Variants in PCDHGC5 observed in about 807,000 individuals in gnomAD.
The protein encoded by PCDHGC5 is protocadherin gamma subfamily C, 5, also known as protocadherin gamma-C5.
Under a neutral mutation model 59.0 loss-of-function variants are expected in PCDHGC5, and 25 were observed. That is an observed-to-expected ratio of 0.42 (90% CI 0.31 to 0.59). PCDHGC5 has a LOEUF of 0.59. Ranked by LOEUF, PCDHGC5 falls within the 20% of genes least tolerant of loss-of-function variation. The probability of loss-of-function intolerance (pLI) is 0.13; values close to 1 mark genes in which losing one functional copy is unlikely to be tolerated. For missense variants in PCDHGC5, 1,067 were observed against 1,206.4 expected (o/e 0.88, Z 1.71); for synonymous variants, 434 against 505.5 (o/e 0.86, Z 1.90).
At chr5:141,507,016 G>C (rs913170594) in intron 3 of PCDHGC5, 1 of 152,166 alleles carries the variant, frequency 6.6e-6, no homozygotes, top group African/African-American at 2.4e-5. Context: ...AACCGAGAAG[G>C]CACTTGCCCC....
chr5:141,497,323 G>A lies in PCDHGC5; in HGVS notation c.2519+2458G>A, dbSNP rs373068300. Reference sequence around the variant, plus strand: ...CAGGCCATACACTGGCTTTGAAGCAGAATTCACCATTGAACCTGGAAGCCC... The same window carrying A: ...CAGGCCATACACTGGCTTTGAAGCAAAATTCACCATTGAACCTGGAAGCCC... On this transcript the variant is annotated intron_variant, in intron 2 of 3. Transcript: ENST00000252087. 1.2e-4 allele frequency among the ~76,000 whole-genome samples: 19 copies of A among 152,204 alleles called. No homozygotes were observed. In the East Asian group the frequency reaches 3.5e-3, roughly 28 times the overall value.
At chr5:141,508,096 G>A (rs1489615862) in intron 3 of PCDHGC5, 1 of 152,476 alleles carries the variant, frequency 6.6e-6, no homozygotes, top group African/African-American at 2.4e-5. Context: ...CCTTGGCCCT[G>A]GGATGGGGTA....
chr5:141,490,476 G>A lies in PCDHGC5; in HGVS notation c.1236G>A (p.Leu412=). 1 of 1,614,208 alleles carries A rather than the reference G, an allele frequency of 6.2e-7. No homozygotes were observed. The highest frequency in any genetic ancestry group is 8.5e-7 in the Non-Finnish European group (1 of 1,180,046). Residue 412 remains leucine (L), a synonymous_variant, in exon 1 of 4, where the codon TTG becomes TTA. Transcript: ENST00000252087. The surrounding 1 kb of genome is among the most constrained non-coding windows in gnomAD (Gnocchi z 5.4). ...ACTCGCTGCTAACCAGCCAGCCTTT[G>A]GACCGGGAGGCCACATCCCACTATA... ...NHYSLLTSQP[L]DREATSHYII...
intron 1 of PCDHGC5, 88 bp from the exon 2 acceptor site, chr5:141,494,719 C>T: frequency 6.2e-7 from 1 of 1,605,960 alleles, no homozygotes; most frequent in Non-Finnish European, 8.5e-7. Flanking sequence ...CCACTCCCCT[C>T]CTTCTCTCCC....
chr5:141,490,938 C>A lies in PCDHGC5; in HGVS notation c.1698C>A (p.His566Gln). 1.2e-6 allele frequency: 2 copies of A among 1,613,672 alleles called. No individual in the cohort carries two copies. Among genetic ancestry groups the A allele is most frequent in the Non-Finnish European group, 1.7e-6 (2 of 1,179,760 alleles). The change falls in exon 1 of 4, where the codon CAC becomes CAA. Residue 566 changes from histidine to glutamine, a missense_variant. Coordinates refer to ENST00000252087, the MANE Select transcript of PCDHGC5 (RefSeq NM_018929.3). The surrounding 1 kb of genome is among the most constrained non-coding windows in gnomAD (Gnocchi z 5.4). ...ATGATAATGCCCCAGCTGTGCTGCA[C>A]CCACGGCCAGACTGGGAACACTCAG... is the stretch of plus-strand genomic sequence containing the variant. ...DENDNAPAVLHPRPDWEHSAP... is the reference protein window; with the variant it reads ...DENDNAPAVLQPRPDWEHSAP...
chr5:141,511,115 A>G lies in PCDHGC5; in HGVS notation c.2777A>G (p.Lys926Arg). 6.2e-7 allele frequency: 1 copy of G among 1,614,214 alleles called. No individual in the cohort carries two copies. Among genetic ancestry groups the G allele is most frequent in the Non-Finnish European group, 8.5e-7 (1 of 1,180,006 alleles). ...AACGCAGCTGGCAAGCGGGATGGCA[A>G]GGCCCCAGCAGGTGGCAATGGCAAC... Reference protein sequence around the residue: ...LTNAAGKRDGKAPAGGNGNKK... With the variant: ...LTNAAGKRDGRAPAGGNGNKK... Residue 926 changes from lysine (K) to arginine (R), a missense_variant, in exon 4 of 4, where the codon AAG becomes AGG. Coordinates refer to ENST00000252087, the MANE Select transcript of PCDHGC5 (RefSeq NM_018929.3).
At chr5:141,505,993 T>TGCGA (rs2099849805) in intron 3 of PCDHGC5, among the ~76,000 whole-genome samples, 1 of 152,188 alleles carries the variant, frequency 6.6e-6, no homozygotes, top group African/African-American at 2.4e-5. Context: ...CTCCTCTTTA[T>TGCGA]GCGAGGCTCC....
intron 3 of PCDHGC5, 89 bp from the exon 4 acceptor site, chr5:141,510,858 T>C (rs992991460): frequency 5.8e-5 from 93 of 1,606,182 alleles, no homozygotes; most frequent in South Asian, 1.0e-4. Flanking sequence ...GGGTGCTGTA[T>C]AGGCATTCAT....
In PCDHGC5 at chr5:141,494,832, G is replaced by A. The variant is rs758427900; in HGVS notation, c.2486G>A (p.Arg829His). The A allele has an allele frequency of 1.2e-6, 2 of 1,614,066 alleles. No homozygotes were observed. Among genetic ancestry groups the A allele is most frequent in the Non-Finnish European group, 1.7e-6 (2 of 1,179,994 alleles). The change falls in exon 2 of 4, where the codon CGT (arginine) becomes CAT (histidine). Residue 829 changes from arginine (R) to histidine (H), a missense_variant. Transcript: ENST00000252087. ...CAAGCCCCGCCCAACACGGACTGGC[G>A]TTTCTCTCAGGCCCAGAGACCCGGC... ...SQQAPPNTDW[R>H]FSQAQRPGTS...
intron 2 of PCDHGC5, among the ~76,000 whole-genome samples, chr5:141,503,518 G>A (rs576791899): frequency 6.7e-6 from 1 of 149,524 alleles, no homozygotes; most frequent in East Asian, 2.0e-4. Flanking sequence ...AGAATCACTT[G>A]AACCTGGGAG....
At position 141,511,410 on chromosome 5, in the gene PCDHGC5, T is replaced by A; in HGVS notation, c.*237T>A. The stretch of plus-strand genomic sequence containing the variant: ...GGAACCCCCATCCAATCAACTGCTG[T>A]ACCCATGGGGGTAGTGGGGTTACTG... On this transcript the variant is annotated 3_prime_UTR_variant, in exon 4 of 4. Coordinates refer to ENST00000252087, the MANE Select transcript of PCDHGC5 (RefSeq NM_018929.3). 1 of 908,820 alleles carries A rather than the reference T, an allele frequency of 1.1e-6. No individual in the cohort carries two copies. The highest frequency in any genetic ancestry group is 1.6e-6 in the Non-Finnish European group (1 of 624,202). 56.3% of individuals were successfully genotyped at this position (908,820 alleles called of 1,614,324 possible). A position where few individuals can be genotyped will look rare whatever the true frequency, so the allele number is the denominator to read the frequency against.
rs772444495 is a variant in PCDHGC5 at position 141,491,766 on chromosome 5, T to C, written c.2460+66T>C. 14 of 1,567,738 alleles carry C rather than the reference T, an allele frequency of 8.9e-6. No homozygotes were observed. The African/African-American group carries it at 1.6e-4, about 18-fold the overall frequency. ...GCACTGGAGAAGCCGCCCGTCCTCA[T>C]AAGGGATTGAACTTGCATCCACTCC... On this transcript the variant is annotated intron_variant, in intron 1 of 3. Coordinates refer to ENST00000252087, the MANE Select transcript of PCDHGC5 (RefSeq NM_018929.3). The surrounding 1 kb of genome is among the most constrained non-coding windows in gnomAD (Gnocchi z 6.9).
At chr5:141,505,239 G>A (rs2099844708) in intron 2 of PCDHGC5, 154 bp from the exon 3 acceptor site, 1 of 886,092 alleles carries the variant, frequency 1.1e-6, no homozygotes, top group Middle Eastern at 5.9e-4. Context: ...GCTTCTGAAG[G>A]ATTGTAGAAG....
intron 3 of PCDHGC5, among the ~76,000 whole-genome samples, chr5:141,509,089 G>C (rs1366018197): frequency 6.6e-6 from 1 of 152,158 alleles, no homozygotes; most frequent in Non-Finnish European, 1.5e-5. Context: ...ACATGAAATG[G>C]GGGCTGTAGA....
rs1203060261 is a variant in PCDHGC5, at chr5:141,493,037, AG to A, written c.2460+1339del. 3.3e-5 allele frequency among the ~76,000 whole-genome samples: 5 copies of A among 152,252 alleles called. No individual in the cohort carries two copies. The highest frequency in any genetic ancestry group is 2.6e-4 in the Admixed American group (4 of 15,290). ...AGATGCCAGGGTGCCCTTATGTGTG[AG>A]GAAACTACAATAGTAAAAAACACAA... is the stretch of plus-strand genomic sequence containing the variant. On this transcript the variant is annotated intron_variant, in intron 1 of 3. Transcript: ENST00000252087. This position sits in a 1 kb window ranked among gnomAD's most constrained non-coding sequence, Gnocchi z 4.3.
intron 2 of PCDHGC5, among the ~76,000 whole-genome samples, chr5:141,498,792 G>A (rs1217057199): frequency 2.6e-5 from 4 of 152,086 alleles, no homozygotes; most frequent in Admixed American, 2.6e-4. Context: ...TATTAGCCAG[G>A]TGTGGTGGTG....
rs1029080327 is a variant in PCDHGC5 at position 141,512,737 on chromosome 5, G to C, written c.*1564G>C. 6.5e-5 allele frequency: 10 copies of C among 152,868 alleles called. No individual in the cohort carries two copies. The highest frequency in any genetic ancestry group is 2.4e-4 in the African/African-American group (10 of 41,472). 9.5% of individuals were successfully genotyped at this position (152,868 alleles called of 1,614,324 possible). On this transcript the variant is annotated 3_prime_UTR_variant, in exon 4 of 4. Transcript: ENST00000252087. Reference sequence around the variant, plus strand: ...ATGGCGGGTGGGCAGCGGGCGGCGGGCTCCGCGCAGCCGTCTGTCCTTGAT... The same window carrying C: ...ATGGCGGGTGGGCAGCGGGCGGCGGCCTCCGCGCAGCCGTCTGTCCTTGAT...
rs1263406836 is a variant in PCDHGC5 at position 141,491,918 on chromosome 5, G to A, written c.2460+218G>A. On this transcript the variant is annotated intron_variant, in intron 1 of 3. Coordinates refer to ENST00000252087, the MANE Select transcript of PCDHGC5 (RefSeq NM_018929.3). The surrounding 1 kb of genome is among the most constrained non-coding windows in gnomAD (Gnocchi z 6.9). ...GCACCGGGGGTGGTGGCGACTGTGGGCGAGGGGAGGTGGGACCGACCCCCA... is the reference window on the plus strand; with the variant it reads ...GCACCGGGGGTGGTGGCGACTGTGGACGAGGGGAGGTGGGACCGACCCCCA... 2 of 1,371,698 alleles carry A rather than the reference G, an allele frequency of 1.5e-6. No homozygotes were observed. Among genetic ancestry groups the A allele is most frequent in the Non-Finnish European group, 1.9e-6 (2 of 1,028,962 alleles). 85.0% of individuals were successfully genotyped at this position (1,371,698 alleles called of 1,614,324 possible).
chr5:141,503,630 A>G, intron 2 of PCDHGC5, among the ~76,000 whole-genome samples: 1 of 152,088 alleles, frequency 6.6e-6, no homozygotes, highest in Admixed American at 6.6e-5. Flanking sequence ...AAGAAAAGAA[A>G]TAATTATTGA....
Sources: allele counts gnomAD v4.1 joint callset (sites outside exome capture counted in the v4.1 genomes callset), GRCh38; gene constraint gnomAD v4.1.1; non-coding constraint Gnocchi (gnomAD v3.1); transcripts MANE v1.5; gene names NCBI Gene and HGNC (gene_info 2026-07-23, HGNC 2026-07-21).